BARD1: variants seen among roughly 807,000 people sequenced by gnomAD.
BARD1 encodes BRCA1 associated RING domain 1.
BARD1 carries 73 observed loss-of-function variants against 77.0 expected under a neutral mutation model. That is an observed-to-expected ratio of 0.95 (90% CI 0.79 to 1.15). The LOEUF (loss-of-function observed/expected upper bound fraction) is 1.15, where lower values mean the gene tolerates loss of function less well. BARD1 is among the 50% of genes most tolerant of loss of function. The probability of loss-of-function intolerance (pLI) is 0.00; values close to 1 mark genes in which losing one functional copy is unlikely to be tolerated. For missense variants in BARD1, 993 were observed against 938.8 expected, an observed-to-expected ratio of 1.06 and a Z score of -0.75; for synonymous variants, 384 against 338.0, an observed-to-expected ratio of 1.14 and a Z score of -1.49.
rs1011846919 is a variant in BARD1 at position 214,752,075 on chromosome 2, C to A, written c.1677+372G>T. Among the ~76,000 whole-genome samples the A allele has an allele frequency of 9.9e-5, 15 of 152,178 alleles. 1 individual carries two copies. The highest frequency in any genetic ancestry group is 3.4e-4 in the African/African-American group (14 of 41,436). ...AGCCCACTACCTCCACCCAACGACACTCTACAACATCTTCGAAACACTCAT... is the reference window on the plus strand; with the variant it reads ...AGCCCACTACCTCCACCCAACGACAATCTACAACATCTTCGAAACACTCAT... On this transcript the variant is annotated intron_variant, in intron 7 of 10. Transcript: ENST00000260947.
chr2:214,751,132 TATATATATATA>T (rs1693408449), intron 7 of BARD1, among the ~76,000 whole-genome samples: 2 of 29,250 alleles, frequency 6.8e-5, no homozygotes, highest in Non-Finnish European at 1.9e-4. Context: ...TATATATATA[TATATATATATA>T]TATATATATT....
intron 7 of BARD1, among the ~76,000 whole-genome samples, chr2:214,748,027 C>T (rs1390391265): frequency 6.6e-6 from 1 of 151,966 alleles, no homozygotes; most frequent in Non-Finnish European, 1.5e-5. Context: ...AAACAGAACA[C>T]ATTACTTCTC....
In BARD1 at chr2:214,730,455, T is replaced by C. The variant is rs2228455; in HGVS notation, c.1957A>G (p.Ile653Val). 4 of 1,614,006 alleles carry C rather than the reference T, an allele frequency of 2.5e-6. No individual in the cohort carries two copies. The highest frequency in any genetic ancestry group is 1.1e-5 in the South Asian group (1 of 91,080). ...KVCEQEEKYE[I>V]PEGPRRSRLN... The stretch of plus-strand genomic sequence containing the variant: ...CTGCTTCTGCGTGGACCTTCAGGAA[T>C]TTCATACTTTTCTTCCTGTTCACAT... Residue 653 changes from isoleucine to valine, a missense_variant, in exon 10 of 11, where the codon ATT becomes GTT. Transcript: ENST00000260947.
intron 9 of BARD1, among the ~76,000 whole-genome samples, chr2:214,732,728 A>C (rs909000510): frequency 1.3e-5 from 2 of 152,190 alleles, no homozygotes; most frequent in African/African-American, 4.8e-5. Context: ...GCAAAAACTT[A>C]TACTGGAGAA....
chr2:214,801,140 C>G (rs974854222), intron 1 of BARD1, among the ~76,000 whole-genome samples: 3 of 152,166 alleles, frequency 2.0e-5, no homozygotes, highest in African/African-American at 4.8e-5. Flanking sequence ...CTGTCAACTA[C>G]GTTCATGTAT....
intron 6 of BARD1, among the ~76,000 whole-genome samples, 194 bp from the exon 7 acceptor site, chr2:214,752,749 T>C (rs1693517999): frequency 6.6e-6 from 1 of 152,184 alleles, no homozygotes; most frequent in Admixed American, 6.5e-5. Context: ...CATCAGATTA[T>C]AGGGATTGTT....
At chr2:214,729,159 G>C in intron 10 of BARD1, 151 bp from the exon 11 acceptor site, 1 of 984,894 alleles carries the variant, frequency 1.0e-6, no homozygotes, top group African/African-American at 1.6e-5. Flanking sequence ...AATTTTTTGG[G>C]TTTTGGAAAA....
chr2:214,773,478 A>G (rs1694601977), intron 4 of BARD1, among the ~76,000 whole-genome samples: 1 of 152,212 alleles, frequency 6.6e-6, no homozygotes, highest in Non-Finnish European at 1.5e-5. Context: ...AAATACAGGC[A>G]TATCTCGGAG....
chr2:214,744,467 T>C (rs899104710), intron 9 of BARD1, among the ~76,000 whole-genome samples: 7 of 152,336 alleles, frequency 4.6e-5, no homozygotes, highest in Middle Eastern at 6.8e-3. Flanking sequence ...CAATATATCA[T>C]TTAACAGTAA....
intron 5 of BARD1, among the ~76,000 whole-genome samples, chr2:214,768,434 T>C (rs1476292912): frequency 1.5e-5 from 2 of 129,864 alleles, no homozygotes; most frequent in East Asian, 4.6e-4. Context: ...TTAGTGGCTT[T>C]GAAGAAAAAA....
At position 214,745,773 on chromosome 2, in the gene BARD1, C is replaced by T. The variant is rs780820468; in HGVS notation, c.1759G>A (p.Glu587Lys). Residue 587 changes from glutamate to lysine, a missense_variant, in exon 8 of 11, where the codon GAG becomes AAG. By Grantham distance (56) the Glu-to-Lys change is moderately conservative (BLOSUM62 1). Transcript: ENST00000260947. ...TTAGCCTTAAGAATTACTGCAAGCT[C>T]ACTGAGCATTTTCTGTTGTTCTGAA... ...LSSEQQKMLS[E>K]LAVILKAKKY... is the part of the protein sequence containing the mutation. 6.2e-7 allele frequency: 1 copy of T among 1,614,064 alleles called. No homozygotes were observed. Among genetic ancestry groups the T allele is most frequent in the South Asian group, 1.1e-5 (1 of 91,086 alleles).
chr2:214,747,566 T>A (rs902190576), intron 7 of BARD1, among the ~76,000 whole-genome samples: 15 of 151,420 alleles, frequency 9.9e-5, no homozygotes, highest in African/African-American at 3.6e-4. Flanking sequence ...GGGACATGGA[T>A]GAAACTGGAA....
In BARD1 at chr2:214,760,996, G is replaced by C. The variant is rs190123646; in HGVS notation, c.1568+6486C>G. 9.3e-5 allele frequency among the ~76,000 whole-genome samples: 14 copies of C among 150,474 alleles called. No homozygotes were observed. In the East Asian group the frequency reaches 1.8e-3, roughly 19 times the overall value. ...TCACCGTGTTAGCCAGAATGGTCTC[G>C]ATCTCCTGACCTCGGGATCCACCCG... On this transcript the variant is annotated intron_variant, in intron 6 of 10. Coordinates refer to ENST00000260947, the MANE Select transcript of BARD1 (RefSeq NM_000465.4).
chr2:214,751,373 A>C (rs150416350), intron 7 of BARD1, among the ~76,000 whole-genome samples: 1 of 150,806 alleles, frequency 6.6e-6, no homozygotes, highest in African/African-American at 2.4e-5. Flanking sequence ...ATGTTGACCA[A>C]GCAGGTCTCA....
rs2070096 is a variant in BARD1 at position 214,780,821 on chromosome 2, C to G, written c.1053G>C (p.Thr351=). 346,096 of 1,613,832 alleles carry G rather than the reference C, an allele frequency of 0.21. 37,931 individuals are homozygous for G. The highest frequency in any genetic ancestry group is 0.24 in the South Asian group (21,709 of 91,078). Residue 351 remains threonine (T), a synonymous_variant, in exon 4 of 11, where the codon ACG becomes ACC. Transcript: ENST00000260947. ...GCAATGGTATATTTTCTGAGGGCAC[C>G]GTTTGCTTAACAAAATCTCCACTGG... The part of the protein sequence containing the change: ...LSTSGDFVKQ[T]VPSENIPLPE...
At chr2:214,741,837 A>C (rs1006678435) in intron 9 of BARD1, among the ~76,000 whole-genome samples, 4 of 152,208 alleles carry the variant, frequency 2.6e-5, no homozygotes, top group Non-Finnish European at 5.9e-5. Flanking sequence ...CAATGTAGGA[A>C]AATAAGAGAT....
intron 7 of BARD1, among the ~76,000 whole-genome samples, chr2:214,749,443 C>T (rs749783284): frequency 5.3e-5 from 8 of 152,236 alleles, no homozygotes; most frequent in Middle Eastern, 6.8e-3. Context: ...AATAGTAAAA[C>T]TCAAAAGGCC....
chr2:214,801,100 T>C (rs1262160666), intron 1 of BARD1, among the ~76,000 whole-genome samples: 1 of 152,246 alleles, frequency 6.6e-6, no homozygotes, highest in African/African-American at 2.4e-5. Flanking sequence ...AAGCAAAGAA[T>C]GTTTTCATTA....
chr2:214,796,934 AAT>A (rs1574846893), intron 2 of BARD1, 125 bp downstream of exon 2: 2 of 799,816 alleles, frequency 2.5e-6, no homozygotes, highest in East Asian at 4.9e-5. Flanking sequence ...GATAATGTAC[AAT>A]AGGTTACTTT....
Sources: gnomAD v4.1 joint callset for allele counts (sites outside exome capture counted in the v4.1 genomes callset) on GRCh38, gnomAD v4.1.1 for gene constraint, MANE v1.5 for transcripts, NCBI Gene and HGNC (gene_info 2026-07-23, HGNC 2026-07-21) for gene names.